ST8SIA1: variants seen among roughly 807,000 people sequenced by gnomAD.
The protein encoded by ST8SIA1 is alpha-N-acetylneuraminide alpha-2,8-sialyltransferase.
Under a neutral mutation model 35.9 loss-of-function variants are expected in ST8SIA1, and 16 were observed. That is an observed-to-expected ratio of 0.45 (90% CI 0.30 to 0.68). The LOEUF is 0.68. ST8SIA1 is among the 30% of genes least tolerant of loss of function. ST8SIA1 has a pLI of 0.09. For missense variants in ST8SIA1, 383 were observed against 453.6 expected, an observed-to-expected ratio of 0.84 and a Z score of 1.41; for synonymous variants, 170 against 169.6, an observed-to-expected ratio of 1.00 and a Z score of -0.02.
chr12:22,254,116 C>A (rs927216766), intron 3 of ST8SIA1, among the ~76,000 whole-genome samples: 1 of 152,170 alleles, frequency 6.6e-6, no homozygotes, highest in Non-Finnish European at 1.5e-5. Context: ...GCCACAGAGT[C>A]TGCTGGCACT....
chr12:22,238,166 C>CCT (rs1041172214), intron 4 of ST8SIA1, among the ~76,000 whole-genome samples: 1 of 151,972 alleles, frequency 6.6e-6, no homozygotes, highest in South Asian at 2.1e-4. Flanking sequence ...TGAGAACTCC[C>CCT]CCCCCAACAA....
chr12:22,282,689 A>T (rs970957039), intron 2 of ST8SIA1, among the ~76,000 whole-genome samples: 1 of 152,210 alleles, frequency 6.6e-6, no homozygotes, highest in African/African-American at 2.4e-5. Context: ...ATAAGCAATT[A>T]TTTGGTTCTG....
chr12:22,304,017 A>T (rs1866352039), intron 1 of ST8SIA1, among the ~76,000 whole-genome samples: 1 of 152,178 alleles, frequency 6.6e-6, no homozygotes, highest in Non-Finnish European at 1.5e-5. Context: ...CAAAAGAGCA[A>T]TGGCTGTCGT....
rs146974079 is a variant in ST8SIA1, at chr12:22,319,581, T to C, written c.236+14416A>G. ...AGATGCAGCTTCTGAGTATGCTGCA[T>C]GAGTTGGGAGAGCCCCTGGACATAT... is the stretch of plus-strand genomic sequence containing the variant. On this transcript the variant is annotated intron_variant, in intron 1 of 4. Coordinates refer to ENST00000396037, the MANE Select transcript of ST8SIA1 (RefSeq NM_003034.4). 5.5e-3 allele frequency among the ~76,000 whole-genome samples: 840 copies of C among 152,314 alleles called. 10 individuals carry two copies. The highest frequency in any genetic ancestry group is 0.019 in the African/African-American group (773 of 41,576).
chr12:22,250,834 G>A (rs1001461191), intron 3 of ST8SIA1: 1 of 152,138 alleles, frequency 6.6e-6, no homozygotes, highest in African/African-American at 2.4e-5. Flanking sequence ...TGGTTTTTCT[G>A]GTAGCTACCA....
chr12:22,306,290 G>T (rs996322806), intron 1 of ST8SIA1, among the ~76,000 whole-genome samples: 1 of 152,130 alleles, frequency 6.6e-6, no homozygotes, highest in African/African-American at 2.4e-5. Context: ...CTCAATCTTG[G>T]CAAAATCAAC....
intron 2 of ST8SIA1, among the ~76,000 whole-genome samples, chr12:22,257,764 G>A (rs1358193775): frequency 6.6e-6 from 1 of 152,030 alleles, no homozygotes; most frequent in African/African-American, 2.4e-5. Flanking sequence ...TAGACTATTA[G>A]GGAGGTTGGG....
At chr12:22,210,995 C>T (rs1384441124) in intron 4 of ST8SIA1, among the ~76,000 whole-genome samples, 1 of 152,166 alleles carries the variant, frequency 6.6e-6, no homozygotes, top group African/African-American at 2.4e-5. Context: ...TTTTTTCTGT[C>T]CATAAATTCT....
intron 4 of ST8SIA1, among the ~76,000 whole-genome samples, chr12:22,237,389 C>T (rs1865487475): frequency 6.6e-6 from 1 of 152,152 alleles, no homozygotes; most frequent in Admixed American, 6.6e-5. Flanking sequence ...CAGGTGTGAG[C>T]CACTGTGCCC....
chr12:22,281,712 G>T (rs1866037047), intron 2 of ST8SIA1, among the ~76,000 whole-genome samples: 1 of 151,068 alleles, frequency 6.6e-6, no homozygotes, highest in Non-Finnish European at 1.5e-5. Context: ...GCCAGGTGTA[G>T]TGGTTCATGC....
chr12:22,244,624 CT>C (rs978873266), intron 4 of ST8SIA1, among the ~76,000 whole-genome samples: 1 of 151,968 alleles, frequency 6.6e-6, no homozygotes, highest in African/African-American at 2.4e-5. Context: ...ACCTGGCTAA[CT>C]TTTGTATTTT....
At chr12:22,304,320 G>A (rs1866356435) in intron 1 of ST8SIA1, among the ~76,000 whole-genome samples, 1 of 133,714 alleles carries the variant, frequency 7.5e-6, no homozygotes, top group African/African-American at 2.8e-5. Flanking sequence ...CTAGGACCTT[G>A]TCTTTTTCTT....
At position 22,334,502 on chromosome 12, in the gene ST8SIA1, G is replaced by T; in HGVS notation, c.-270C>A. ...GCCATGGTCGCTTCCCCTGCAGAAGGCGGGCGCTGGGGTCTCCGAGTGCGC... is the reference window on the plus strand; with the variant it reads ...GCCATGGTCGCTTCCCCTGCAGAAGTCGGGCGCTGGGGTCTCCGAGTGCGC... On this transcript the variant is annotated 5_prime_UTR_variant, in exon 1 of 5. Coordinates refer to ENST00000396037, the MANE Select transcript of ST8SIA1 (RefSeq NM_003034.4). 1.9e-6 allele frequency: 1 copy of T among 522,632 alleles called. No individual in the cohort carries two copies. 32.4% of individuals were successfully genotyped at this position (522,632 alleles called of 1,614,324 possible).
chr12:22,279,258 G>T (rs1015869839), intron 2 of ST8SIA1, among the ~76,000 whole-genome samples: 1 of 152,178 alleles, frequency 6.6e-6, no homozygotes, highest in African/African-American at 2.4e-5. Flanking sequence ...TTGTGTTCTG[G>T]CCCTGGCTTT....
Position 22,334,486 on chromosome 12 carries a change from G to C in ST8SIA1, c.-254C>G, listed in dbSNP as rs1295555500. 5 of 542,818 alleles carry C rather than the reference G, an allele frequency of 9.2e-6. No homozygotes were observed. The highest frequency in any genetic ancestry group is 5.7e-5 in the African/African-American group (3 of 52,622). 33.6% of individuals were successfully genotyped at this position (542,818 alleles called of 1,614,324 possible). On this transcript the variant is annotated 5_prime_UTR_variant, in exon 1 of 5. Transcript: ENST00000396037. ...GAAGTCACGATCTATGGCCATGGTCGCTTCCCCTGCAGAAGGCGGGCGCTG... is the reference window on the plus strand; with the variant it reads ...GAAGTCACGATCTATGGCCATGGTCCCTTCCCCTGCAGAAGGCGGGCGCTG...
chr12:22,208,278 A>G (rs534030073), intron 4 of ST8SIA1, among the ~76,000 whole-genome samples: 1 of 152,304 alleles, frequency 6.6e-6, no homozygotes, highest in African/African-American at 2.4e-5. Flanking sequence ...TTTTTTAAAC[A>G]TATTTCAATT....
intron 1 of ST8SIA1, among the ~76,000 whole-genome samples, chr12:22,287,526 A>T (rs915644553): frequency 2.6e-5 from 4 of 151,964 alleles, no homozygotes; most frequent in Non-Finnish European, 4.4e-5. Context: ...AATACATCAG[A>T]TTCATTAGAT....
At chr12:22,220,433 AC>A (rs2120660974) in intron 4 of ST8SIA1, among the ~76,000 whole-genome samples, 1 of 152,290 alleles carries the variant, frequency 6.6e-6, no homozygotes, top group East Asian at 1.9e-4. Flanking sequence ...TAACCACCTA[AC>A]AATTCTACCA....
chr12:22,334,073 C>T lies in ST8SIA1; in HGVS notation c.160G>A (p.Glu54Lys). Residue 54 changes from glutamate to lysine, a missense_variant, in exon 1 of 5, where the codon GAG becomes AAG. Physicochemically the swap from Glu to Lys is moderately conservative, Grantham distance 56. Transcript: ENST00000396037. ...AGCACCCCCTGCACGATCTCTTTCT[C>T]GTTGGGCAGCCGGTAGACGGGGAAG... ...YIFPVYRLPN[E>K]KEIVQGVLQQ... 1 of 1,614,124 alleles carries T rather than the reference C, an allele frequency of 6.2e-7. No individual in the cohort carries two copies. Among genetic ancestry groups the T allele is most frequent in the Non-Finnish European group, 8.5e-7 (1 of 1,180,034 alleles).
Sources: allele counts gnomAD v4.1 joint callset (sites outside exome capture counted in the v4.1 genomes callset), GRCh38; gene constraint gnomAD v4.1.1; transcripts MANE v1.5; gene names NCBI Gene and HGNC (gene_info 2026-07-23, HGNC 2026-07-21).